CD247: variants seen among roughly 807,000 people sequenced by gnomAD.
The protein encoded by CD247 is CD247 molecule.
In CD247, 13 loss-of-function variants were observed where a neutral mutation model predicts 30.0. That is an observed-to-expected ratio of 0.43 (90% CI 0.28 to 0.69). The LOEUF (loss-of-function observed/expected upper bound fraction) is 0.69. CD247 is among the 30% of genes least tolerant of loss of function. The pLI is 0.16. For synonymous variants in CD247, 72 were observed against 80.0 expected (o/e 0.90, Z 0.53); for missense variants, 193 against 212.6 (o/e 0.91, Z 0.57).
At chr1:167,453,581 A>G (rs1002627325) in intron 1 of CD247, among the ~76,000 whole-genome samples, 2 of 152,222 alleles carry the variant, frequency 1.3e-5, no homozygotes, top group African/African-American at 4.8e-5. Flanking sequence ...TAGGAACCTG[A>G]TAAATTTTGG....
intron 6 of CD247, 69 bp downstream of exon 6, chr1:167,433,951 G>C: frequency 7.5e-7 from 1 of 1,340,616 alleles, no homozygotes; most frequent in Non-Finnish European, 1.1e-6. Context: ...TGGGAAAGGA[G>C]GCCTGCAGCA....
At chr1:167,449,264 T>C (rs1016316001) in intron 1 of CD247, among the ~76,000 whole-genome samples, 4 of 150,182 alleles carry the variant, frequency 2.7e-5, no homozygotes, top group Non-Finnish European at 4.4e-5. Context: ...GCGATTCTCC[T>C]GCCTCAGCCT....
At chr1:167,499,114 C>A (rs1474378353) in intron 1 of CD247, among the ~76,000 whole-genome samples, 1 of 152,200 alleles carries the variant, frequency 6.6e-6, no homozygotes, top group Non-Finnish European at 1.5e-5. Context: ...TGACTCCAAT[C>A]CACTGGTTCT....
chr1:167,459,773 C>A (rs1289629189), intron 1 of CD247: 2 of 152,144 alleles, frequency 1.3e-5, no homozygotes, highest in Non-Finnish European at 2.9e-5. Flanking sequence ...GGCTAAAGTT[C>A]TGTTTTAAAG....
At chr1:167,491,247 C>T (rs1374275843) in intron 1 of CD247, among the ~76,000 whole-genome samples, 2 of 152,080 alleles carry the variant, frequency 1.3e-5, no homozygotes, top group African/African-American at 2.4e-5. Context: ...TTGTGGAAAA[C>T]GGTTTGGTGG....
At chr1:167,490,147 T>A (rs1571578658) in intron 1 of CD247, among the ~76,000 whole-genome samples, 1 of 152,170 alleles carries the variant, frequency 6.6e-6, no homozygotes, top group East Asian at 1.9e-4. Flanking sequence ...ATCCGGGACC[T>A]ACGGCGGCGG....
intron 1 of CD247, among the ~76,000 whole-genome samples, chr1:167,478,633 C>T (rs1310454674): frequency 1.3e-5 from 2 of 152,184 alleles, no homozygotes. Context: ...CCAAATCCTA[C>T]TTTCTGTGCC....
chr1:167,506,271 CCTTTTCTTTTCTTTTCTT>C (rs869190028), intron 1 of CD247, among the ~76,000 whole-genome samples: 406 of 11,572 alleles, frequency 0.035, 8 homozygotes, highest in African/African-American at 0.17. Context: ...CTTTTCTTTT[CCTTTTCTTTTCTTTTCTT>C]TTTTCTTTTC....
At chr1:167,484,715 T>G (rs1449888184) in intron 1 of CD247, among the ~76,000 whole-genome samples, 1 of 152,166 alleles carries the variant, frequency 6.6e-6, no homozygotes, top group Non-Finnish European at 1.5e-5. Context: ...AGGCAGAGGT[T>G]GCAGTGAGCC....
At chr1:167,479,124 C>T (rs942137344) in intron 1 of CD247, among the ~76,000 whole-genome samples, 2 of 152,218 alleles carry the variant, frequency 1.3e-5, no homozygotes, top group African/African-American at 4.8e-5. Context: ...TATTCAAACT[C>T]ACATAGCTAA....
At chr1:167,478,477 GT>G (rs1376275826) in intron 1 of CD247, among the ~76,000 whole-genome samples, 6 of 152,232 alleles carry the variant, frequency 3.9e-5, no homozygotes, top group Non-Finnish European at 7.3e-5. Flanking sequence ...TTGTGTATGT[GT>G]GTGTGTTTGG....
chr1:167,500,853 C>A (rs1025451060), intron 1 of CD247, among the ~76,000 whole-genome samples: 2 of 152,180 alleles, frequency 1.3e-5, no homozygotes, highest in African/African-American at 4.8e-5. Flanking sequence ...TTAAGCTCAG[C>A]CCCTGTACCA....
chr1:167,501,305 C>T (rs916436861), intron 1 of CD247, among the ~76,000 whole-genome samples: 20 of 152,078 alleles, frequency 1.3e-4, no homozygotes, highest in Non-Finnish European at 8.8e-5. Context: ...GTGATCCACC[C>T]GCCTCGGCCT....
chr1:167,441,098 C>T (rs765873634), intron 1 of CD247, among the ~76,000 whole-genome samples: 80 of 152,176 alleles, frequency 5.3e-4, no homozygotes, highest in Non-Finnish European at 9.8e-4. Flanking sequence ...CCATGTTAGC[C>T]CCGGTGTGAA....
chr1:167,431,484 G>A lies in CD247; in HGVS notation c.*197C>T. ...AAGGCCAGGGCCGTAAGCCCTGGGA[G>A]TACACTCCCTTAAAGAGTGCAGGGA... On this transcript the variant is annotated 3_prime_UTR_variant, in exon 8 of 8. Coordinates refer to ENST00000362089, the MANE Select transcript of CD247 (RefSeq NM_198053.3). The A allele has an allele frequency of 1.5e-6, 1 of 654,994 alleles. No homozygotes were observed. The highest frequency in any genetic ancestry group is 2.8e-6 in the Non-Finnish European group (1 of 360,454). The allele number at this position is 654,994 out of a possible 1,614,324, so 40.6% of individuals were successfully genotyped here. A position where few individuals can be genotyped will look rare whatever the true frequency, so the allele number is the denominator to read the frequency against.
At chr1:167,467,226 C>T (rs182133908) in intron 1 of CD247, among the ~76,000 whole-genome samples, 65 of 152,304 alleles carry the variant, frequency 4.3e-4, no homozygotes, top group South Asian at 3.5e-3. Context: ...TAAAATTTAT[C>T]GTGGACTCCA....
intron 1 of CD247, among the ~76,000 whole-genome samples, chr1:167,466,484 G>A (rs1001263719): frequency 6.6e-6 from 1 of 151,894 alleles, no homozygotes; most frequent in African/African-American, 2.4e-5. Flanking sequence ...TAAGCTACAG[G>A]ATAATTATTG....
chr1:167,501,675 C>G (rs1215320223), intron 1 of CD247, among the ~76,000 whole-genome samples: 1 of 152,186 alleles, frequency 6.6e-6, no homozygotes, highest in East Asian at 1.9e-4. Context: ...CTGGAGCCAC[C>G]CACCCCACAG....
rs372073244 is a variant in CD247 at position 167,511,788 on chromosome 1, G to T, written c.58+6620C>A. ...GGTGCAGACCCTGTACGAGGGCCCC[G>T]AGAAACCATGTTTGAGGCCTGGTTC... On this transcript the variant is annotated intron_variant, in intron 1 of 7. Transcript: ENST00000362089. Among the ~76,000 whole-genome samples the T allele has an allele frequency of 1.4e-4, 22 of 152,154 alleles. No homozygotes were observed. The East Asian group carries it at 4.3e-3, about 29-fold the overall frequency.
Sources: allele counts gnomAD v4.1 joint callset (sites outside exome capture counted in the v4.1 genomes callset), GRCh38; gene constraint gnomAD v4.1.1; transcripts MANE v1.5; gene names NCBI Gene and HGNC (gene_info 2026-07-23, HGNC 2026-07-21).